The following PARD3B variants were observed in gnomAD, a reference collection of about 807,000 sequenced individuals.
The protein encoded by PARD3B is par-3 family cell polarity regulator beta, also known as partitioning defective 3 homolog B.
In PARD3B, 103 loss-of-function variants were observed where a neutral mutation model predicts 130.2. That is an observed-to-expected ratio of 0.79 (90% CI 0.67 to 0.93). The LOEUF is 0.93. PARD3B is among the 40% of genes least tolerant of loss of function. The pLI is 0.00. For missense variants in PARD3B, 1,609 were observed against 1,499.2 expected, an observed-to-expected ratio of 1.07 and a Z score of -1.21; for synonymous variants, 583 against 553.2, an observed-to-expected ratio of 1.05 and a Z score of -0.76.
chr2:204,686,475 C>T (rs2037092324), intron 2 of PARD3B, among the ~76,000 whole-genome samples, 193 bp downstream of exon 2: 1 of 152,150 alleles, frequency 6.6e-6, no homozygotes, highest in Non-Finnish European at 1.5e-5. Flanking sequence ...GTTTGGGAAT[C>T]TGTTTGTGTT....
chr2:205,501,118 G>T (rs761360965), intron 21 of PARD3B, among the ~76,000 whole-genome samples: 1 of 152,220 alleles, frequency 6.6e-6, no homozygotes, highest in Middle Eastern at 3.4e-3. Context: ...CCTGTCATGC[G>T]TTCATCTCTA....
At chr2:205,086,428 C>A (rs1476537782) in intron 4 of PARD3B, among the ~76,000 whole-genome samples, 1 of 152,090 alleles carries the variant, frequency 6.6e-6, no homozygotes, top group Non-Finnish European at 1.5e-5. Context: ...TATGTGGGAG[C>A]AATTACAAAG....
In PARD3B at chr2:205,300,926, A is replaced by G. The variant is rs1162739458; in HGVS notation, c.2392+190A>G. Among the ~76,000 whole-genome samples the G allele has an allele frequency of 1.3e-5, 2 of 152,248 alleles. No individual in the cohort carries two copies. Among genetic ancestry groups the G allele is most frequent in the East Asian group, 3.8e-4 (2 of 5,202 alleles). ...AATGAACATGGAATTGGAGAACACA[A>G]TATGCAATTTATTTTACAGTGCAAG... On this transcript the variant is annotated intron_variant, in intron 17 of 22. Transcript: ENST00000406610. The surrounding 1 kb of genome is among the most constrained non-coding windows in gnomAD (Gnocchi z 4.1).
intron 3 of PARD3B, among the ~76,000 whole-genome samples, chr2:205,005,046 G>T (rs958014010): frequency 1.3e-5 from 2 of 151,950 alleles, no homozygotes; most frequent in Admixed American, 1.3e-4. Flanking sequence ...TTTAAATCAA[G>T]CTGGTTTTCC....
At chr2:205,264,987 G>T (rs555843032) in intron 16 of PARD3B, among the ~76,000 whole-genome samples, 1 of 151,028 alleles carries the variant, frequency 6.6e-6, no homozygotes, top group East Asian at 1.9e-4. Flanking sequence ...GCTTGTGTTT[G>T]TTGGCATTAA....
intron 2 of PARD3B, among the ~76,000 whole-genome samples, chr2:204,892,615 C>T (rs1170084116): frequency 6.6e-6 from 1 of 152,098 alleles, no homozygotes; most frequent in African/African-American, 2.4e-5. Context: ...AGCTGCTGTA[C>T]TGAGAAAAGA....
In PARD3B at chr2:204,586,812, A is replaced by G. The variant is rs188442197; in HGVS notation, c.120+40693A>G. On this transcript the variant is annotated intron_variant, in intron 1 of 22. Coordinates refer to ENST00000406610, the MANE Select transcript of PARD3B (RefSeq NM_001302769.2). ...ATAGTACGTGAAATATTAATAGTAA[A>G]TATGAAATATAAATTTCAAACTTTA... is the stretch of plus-strand genomic sequence containing the variant. Among the ~76,000 whole-genome samples, 392 of 152,348 alleles carry G rather than the reference A, an allele frequency of 2.6e-3. 1 individual carries two copies. Among genetic ancestry groups the G allele is most frequent in the African/African-American group, 9.3e-3 (385 of 41,582 alleles).
intron 1 of PARD3B, among the ~76,000 whole-genome samples, chr2:204,583,309 G>A (rs534488286): frequency 2.9e-3 from 292 of 102,296 alleles, no homozygotes; most frequent in Non-Finnish European, 4.6e-3. Context: ...AAAATGATGA[G>A]TTCATGTCCT....
At chr2:205,553,438 C>T (rs763689201) in intron 22 of PARD3B, 35 bp downstream of exon 22, 4 of 1,576,688 alleles carry the variant, frequency 2.5e-6, no homozygotes, top group Non-Finnish European at 3.5e-6. Flanking sequence ...CTCCAGCTCA[C>T]CTACAAATGA....
At chr2:205,477,268 C>G (rs2049056391) in intron 20 of PARD3B, among the ~76,000 whole-genome samples, 1 of 152,152 alleles carries the variant, frequency 6.6e-6, no homozygotes, top group Admixed American at 6.6e-5. Context: ...CTGAATGTGG[C>G]TTGTATATTT....
chr2:204,725,522 A>G (rs2039184250), intron 2 of PARD3B, among the ~76,000 whole-genome samples: 1 of 152,204 alleles, frequency 6.6e-6, no homozygotes, highest in African/African-American at 2.4e-5. Context: ...TTAATACCTT[A>G]GAACTATAAT....
intron 18 of PARD3B, among the ~76,000 whole-genome samples, chr2:205,374,535 A>G (rs955223550): frequency 6.6e-6 from 1 of 152,054 alleles, no homozygotes; most frequent in Non-Finnish European, 1.5e-5. Flanking sequence ...GTCCGGCCCA[A>G]CCACTTTAAT....
At chr2:204,811,711 C>T (rs1160896568) in intron 2 of PARD3B, among the ~76,000 whole-genome samples, 1 of 152,134 alleles carries the variant, frequency 6.6e-6, no homozygotes, top group Admixed American at 6.6e-5. Context: ...TCAAAATATG[C>T]AGTTGTTAAC....
At chr2:204,947,518 A>C in intron 2 of PARD3B, among the ~76,000 whole-genome samples, 1 of 151,000 alleles carries the variant, frequency 6.6e-6, no homozygotes, top group Non-Finnish European at 1.5e-5. Context: ...CTCTAGAACT[A>C]TTTTCAAGGT....
chr2:205,493,817 G>A (rs1575158837), intron 20 of PARD3B, among the ~76,000 whole-genome samples: 1 of 151,800 alleles, frequency 6.6e-6, no homozygotes, highest in East Asian at 1.9e-4. Flanking sequence ...GAGTACAGTG[G>A]CATGATCTCA....
chr2:204,642,701 A>T (rs2035119399), intron 1 of PARD3B, among the ~76,000 whole-genome samples: 1 of 152,026 alleles, frequency 6.6e-6, no homozygotes, highest in Admixed American at 6.6e-5. Flanking sequence ...CTCAAGTTTC[A>T]TGTCGAATTG....
chr2:204,972,176 T>G (rs1018622818), intron 3 of PARD3B, among the ~76,000 whole-genome samples: 10 of 152,246 alleles, frequency 6.6e-5, no homozygotes, highest in African/African-American at 2.4e-4. Context: ...TGAGTAAAAC[T>G]ATGAGCAATA....
At chr2:204,953,691 G>T (rs1575407834) in intron 2 of PARD3B, among the ~76,000 whole-genome samples, 1 of 152,252 alleles carries the variant, frequency 6.6e-6, no homozygotes, top group African/African-American at 2.4e-5. Context: ...TTAGATTGAG[G>T]ACTGGCTTTG....
intron 15 of PARD3B, among the ~76,000 whole-genome samples, chr2:205,211,518 G>A (rs1156472291): frequency 6.8e-6 from 1 of 146,542 alleles, no homozygotes; most frequent in Non-Finnish European, 1.5e-5. Flanking sequence ...GAGCGATGAG[G>A]TAAATAAACG....
Sources: allele counts gnomAD v4.1 joint callset (sites outside exome capture counted in the v4.1 genomes callset), GRCh38; gene constraint gnomAD v4.1.1; non-coding constraint Gnocchi (gnomAD v3.1); transcripts MANE v1.5; gene names NCBI Gene and HGNC (gene_info 2026-07-23, HGNC 2026-07-21).